CSMD1: variants seen among roughly 807,000 people sequenced by gnomAD.
CSMD1 encodes the protein CUB and sushi domain-containing protein 1.
CSMD1 carries 213 observed loss-of-function variants against 417.5 expected under a neutral mutation model. The ratio of observed to expected loss-of-function variants is 0.51; its 90% CI spans 0.46 to 0.57. The LOEUF (loss-of-function observed/expected upper bound fraction) is 0.57, where lower values mean the gene tolerates loss of function less well. CSMD1 is among the 20% of genes least tolerant of loss of function. The pLI is 0.00. For missense variants in CSMD1, 6,923 were observed against 4,529.7 expected (o/e 1.53, Z -15.17); for synonymous variants, 2,862 against 1,736.8 (o/e 1.65, Z -16.11).
At chr8:4,168,910 C>T (rs186017167) in intron 3 of CSMD1, among the ~76,000 whole-genome samples, 246 of 152,274 alleles carry the variant, frequency 1.6e-3, no homozygotes, top group African/African-American at 5.7e-3. Flanking sequence ...ACCGCCAGTG[C>T]CAGGCCTTGC....
intron 5 of CSMD1, among the ~76,000 whole-genome samples, chr8:3,911,703 C>T (rs1808479172): frequency 6.6e-6 from 1 of 152,092 alleles, no homozygotes; most frequent in Admixed American, 6.5e-5. Flanking sequence ...CTCCCAGGCT[C>T]GCCTATCAAA....
intron 8 of CSMD1, among the ~76,000 whole-genome samples, chr8:3,606,012 G>T (rs961549139): frequency 3.9e-5 from 6 of 152,086 alleles, no homozygotes; most frequent in Non-Finnish European, 8.8e-5. Flanking sequence ...AATCAATAAG[G>T]CGTCTCCCCT....
intron 10 of CSMD1, among the ~76,000 whole-genome samples, chr8:3,504,497 A>G (rs1344346835): frequency 1.3e-5 from 2 of 152,164 alleles, no homozygotes; most frequent in African/African-American, 2.4e-5. Flanking sequence ...GTTCATTATT[A>G]TCCTCATGGC....
chr8:3,787,101 T>C (rs1799493942), intron 5 of CSMD1, among the ~76,000 whole-genome samples: 1 of 152,122 alleles, frequency 6.6e-6, no homozygotes, highest in Non-Finnish European at 1.5e-5. Flanking sequence ...CCAAGCTTTA[T>C]GGTAACAACA....
At chr8:4,790,966 G>C (rs1342176187) in intron 1 of CSMD1, among the ~76,000 whole-genome samples, 2 of 152,120 alleles carry the variant, frequency 1.3e-5, no homozygotes, top group Non-Finnish European at 2.9e-5. Flanking sequence ...TAAGACAAAA[G>C]TAAAAATTGA....
At chr8:4,135,320 G>T (rs1330317438) in intron 3 of CSMD1, among the ~76,000 whole-genome samples, 4 of 110,018 alleles carry the variant, frequency 3.6e-5, no homozygotes, top group African/African-American at 1.3e-4. Context: ...AAGGAGGGAG[G>T]AGCGAAGGAA....
chr8:4,541,313 C>T (rs141543655), intron 2 of CSMD1, among the ~76,000 whole-genome samples: 3 of 152,174 alleles, frequency 2.0e-5, no homozygotes, highest in African/African-American at 7.2e-5. Context: ...TACCCCCATG[C>T]AGTTCTTACA....
intron 5 of CSMD1, among the ~76,000 whole-genome samples, chr8:3,848,672 T>C (rs1408032912): frequency 6.6e-6 from 1 of 152,156 alleles, no homozygotes; most frequent in African/African-American, 2.4e-5. Context: ...TCATTTCAGA[T>C]CCTATTATGC....
At chr8:4,615,660 G>C (rs1056448000) in intron 2 of CSMD1, among the ~76,000 whole-genome samples, 8 of 152,042 alleles carry the variant, frequency 5.3e-5, no homozygotes, top group African/African-American at 1.9e-4. Context: ...GTGAGTGTAA[G>C]GTGTTATTTC....
chr8:3,948,739 A>T (rs573598586), intron 5 of CSMD1, among the ~76,000 whole-genome samples: 4 of 152,332 alleles, frequency 2.6e-5, no homozygotes, highest in East Asian at 3.9e-4. Context: ...ACAGTGACTT[A>T]ATCAGCTAGA....
chr8:4,627,765 C>T (rs1038126952), intron 2 of CSMD1, among the ~76,000 whole-genome samples: 3 of 152,106 alleles, frequency 2.0e-5, no homozygotes, highest in Admixed American at 6.6e-5. Flanking sequence ...CTTTAAGCTT[C>T]GGCCTTGAAC....
chr8:4,034,126 T>C (rs1003008568), intron 3 of CSMD1, among the ~76,000 whole-genome samples: 1 of 152,236 alleles, frequency 6.6e-6, no homozygotes, highest in East Asian at 1.9e-4. Context: ...TAATATTTTC[T>C]GTTTTATTAG....
intron 3 of CSMD1, among the ~76,000 whole-genome samples, chr8:4,410,989 G>C (rs936992432): frequency 1.3e-5 from 2 of 152,096 alleles, no homozygotes; most frequent in Middle Eastern, 3.2e-3. Flanking sequence ...TATACAGTGA[G>C]GTTGCCCCTG....
intron 1 of CSMD1, among the ~76,000 whole-genome samples, chr8:4,655,634 A>G (rs1362937364): frequency 6.6e-6 from 1 of 152,146 alleles, no homozygotes; most frequent in African/African-American, 2.4e-5. Context: ...AGAAGAACAT[A>G]GCATGTAATC....
At chr8:3,043,643 G>C (rs1269719230) in intron 50 of CSMD1, 1 of 151,966 alleles carries the variant, frequency 6.6e-6, no homozygotes, top group African/African-American at 2.4e-5. Flanking sequence ...CCCACATATT[G>C]TGATTAGAAC....
In CSMD1 at chr8:3,357,748, G is replaced by A. The variant is rs146849108; in HGVS notation, c.3304+1404C>T. Among the ~76,000 whole-genome samples, 192 of 152,168 alleles carry A rather than the reference G, an allele frequency of 1.3e-3. 1 individual carries two copies. Among genetic ancestry groups the A allele is most frequent in the African/African-American group, 4.1e-3 (169 of 41,500 alleles). The stretch of plus-strand genomic sequence containing the variant: ...TCCAACCAATTCTGGGAACTCCTAT[G>A]ATCACCTGCAAAATACCGTATTTTT... On this transcript the variant is annotated intron_variant, in intron 21 of 69. Transcript: ENST00000635120.
chr8:4,057,994 T>A (rs1410440443), intron 3 of CSMD1, among the ~76,000 whole-genome samples: 1 of 151,600 alleles, frequency 6.6e-6, no homozygotes, highest in African/African-American at 2.4e-5. Flanking sequence ...TTCTTTTGCC[T>A]TAGGATTGAC....
At chr8:4,820,949 G>A (rs952228475) in intron 1 of CSMD1, among the ~76,000 whole-genome samples, 1 of 152,000 alleles carries the variant, frequency 6.6e-6, no homozygotes, top group Non-Finnish European at 1.5e-5. Context: ...CTTTCCTCAA[G>A]CTTTACTTTC....
intron 16 of CSMD1, among the ~76,000 whole-genome samples, chr8:3,398,940 G>A (rs1811868103): frequency 6.6e-6 from 1 of 152,170 alleles, no homozygotes; most frequent in Non-Finnish European, 1.5e-5. Flanking sequence ...TTGATCTGCT[G>A]TCCGCACCCC....
Sources: allele counts gnomAD v4.1 joint callset (sites outside exome capture counted in the v4.1 genomes callset), GRCh38; gene constraint gnomAD v4.1.1; transcripts MANE v1.5; gene names NCBI Gene and HGNC (gene_info 2026-07-23, HGNC 2026-07-21).